CNTN5: variants seen among roughly 807,000 people sequenced by gnomAD.
CNTN5 encodes the protein contactin-5.
In CNTN5, 77 loss-of-function variants were observed where a neutral mutation model predicts 129.1. The ratio of observed to expected loss-of-function variants is 0.60; its 90% CI spans 0.50 to 0.72. The LOEUF (loss-of-function observed/expected upper bound fraction) is 0.72. CNTN5 is among the 30% of genes least tolerant of loss of function. The pLI is 0.00. For synonymous variants in CNTN5, 509 were observed against 465.6 expected (o/e 1.09, Z -1.20); for missense variants, 1,478 against 1,328.8 (o/e 1.11, Z -1.75).
chr11:99,609,948 CT>C (rs1340291455), intron 3 of CNTN5, among the ~76,000 whole-genome samples: 2 of 152,048 alleles, frequency 1.3e-5, no homozygotes, highest in Non-Finnish European at 2.9e-5. Flanking sequence ...GTGCCAGGCA[CT>C]ATGTATAGTG....
chr11:99,659,429 C>A (rs551814076), intron 3 of CNTN5, among the ~76,000 whole-genome samples: 1 of 151,890 alleles, frequency 6.6e-6, no homozygotes, highest in Non-Finnish European at 1.5e-5. Flanking sequence ...AACTGTAAAC[C>A]GTGTTTTAAT....
At chr11:100,276,375 C>T (rs1236620950) in intron 18 of CNTN5, among the ~76,000 whole-genome samples, 5 of 151,844 alleles carry the variant, frequency 3.3e-5, no homozygotes, top group Non-Finnish European at 7.4e-5. Context: ...ACCATCTCTG[C>T]TAAACATATA....
chr11:99,356,115 C>T (rs901288700), intron 2 of CNTN5, among the ~76,000 whole-genome samples: 19 of 152,118 alleles, frequency 1.2e-4, no homozygotes, highest in Admixed American at 4.6e-4. Context: ...TGTGAGCCAC[C>T]GCGCCCGGCC....
intron 3 of CNTN5, among the ~76,000 whole-genome samples, chr11:99,740,499 G>C (rs527432740): frequency 1.3e-5 from 2 of 152,324 alleles, no homozygotes; most frequent in East Asian, 3.9e-4. Flanking sequence ...CGTTTTTGAA[G>C]TGAAAGAGAA....
rs1651566317 is a variant in CNTN5, at chr11:99,302,951, T to C, written c.-209-22395T>C. ...TTAATATAGCTTATACATATATTAGTTATACTTGAAGAAACAGGTATACAA... is the reference window on the plus strand; with the variant it reads ...TTAATATAGCTTATACATATATTAGCTATACTTGAAGAAACAGGTATACAA... On this transcript the variant is annotated intron_variant, in intron 1 of 24. Coordinates refer to ENST00000524871, the MANE Select transcript of CNTN5 (RefSeq NM_014361.4). Among the ~76,000 whole-genome samples, 3 of 151,572 alleles carry C rather than the reference T, an allele frequency of 2.0e-5. No individual in the cohort carries two copies. The South Asian group carries it at 6.2e-4, about 31-fold the overall frequency.
chr11:99,176,332 G>C (rs900784083), intron 1 of CNTN5, among the ~76,000 whole-genome samples: 2 of 151,800 alleles, frequency 1.3e-5, no homozygotes, highest in African/African-American at 4.8e-5. Context: ...TCACTTCCTT[G>C]ACATAGAATA....
At chr11:99,721,491 A>G (rs1009093454) in intron 3 of CNTN5, among the ~76,000 whole-genome samples, 1 of 152,158 alleles carries the variant, frequency 6.6e-6, no homozygotes, top group Non-Finnish European at 1.5e-5. Context: ...CTCTAGTTGG[A>G]TTAAAGACTT....
At chr11:99,671,903 C>G (rs1308451592) in intron 3 of CNTN5, among the ~76,000 whole-genome samples, 1 of 152,112 alleles carries the variant, frequency 6.6e-6, no homozygotes, top group Non-Finnish European at 1.5e-5. Context: ...ATAATTCACA[C>G]ACTCACATAA....
intron 3 of CNTN5, among the ~76,000 whole-genome samples, chr11:99,592,774 G>A (rs1207428482): frequency 2.0e-5 from 3 of 152,074 alleles, no homozygotes; most frequent in African/African-American, 7.2e-5. Context: ...TATTTCAAAA[G>A]CAGAAGGATT....
intron 15 of CNTN5, among the ~76,000 whole-genome samples, chr11:100,205,405 T>A (rs1948892747): frequency 3.3e-5 from 5 of 152,048 alleles, no homozygotes; most frequent in Admixed American, 3.3e-4. Flanking sequence ...TCAAATATGT[T>A]TTCTCTCTCA....
At chr11:100,210,174 C>CAAAAAAAAAAA (rs59613776) in intron 15 of CNTN5, among the ~76,000 whole-genome samples, 1 of 81,104 alleles carries the variant, frequency 1.2e-5, no homozygotes, top group Non-Finnish European at 2.8e-5. Flanking sequence ...TGCCTCTATA[C>CAAAAAAAAAAA]AAAAAAAAAA....
chr11:99,521,482 T>C (rs1263052018), intron 2 of CNTN5, among the ~76,000 whole-genome samples: 1 of 152,224 alleles, frequency 6.6e-6, no homozygotes, highest in Non-Finnish European at 1.5e-5. Context: ...GTATTTATCA[T>C]TTTCAAAGAA....
chr11:99,651,540 T>C (rs1952157027), intron 3 of CNTN5, among the ~76,000 whole-genome samples: 1 of 152,028 alleles, frequency 6.6e-6, no homozygotes, highest in Non-Finnish European at 1.5e-5. Context: ...TAAAGTGTTT[T>C]AGCTATTAGA....
At chr11:99,630,032 T>C (rs867634290) in intron 3 of CNTN5, among the ~76,000 whole-genome samples, 14 of 151,686 alleles carry the variant, frequency 9.2e-5, no homozygotes, top group Admixed American at 3.9e-4. Context: ...GTGGGAGATA[T>C]AAAAACAAAA....
intron 1 of CNTN5, among the ~76,000 whole-genome samples, chr11:99,273,487 G>A (rs1863272944): frequency 6.6e-6 from 1 of 151,706 alleles, no homozygotes; most frequent in South Asian, 2.1e-4. Context: ...TCTTCCTGGT[G>A]TTTGTCTCTC....
At chr11:99,105,043 T>G (rs993687797) in intron 1 of CNTN5, among the ~76,000 whole-genome samples, 2 of 152,168 alleles carry the variant, frequency 1.3e-5, no homozygotes. Flanking sequence ...TCTGCTCTAT[T>G]CTCATTAGTC....
chr11:99,541,756 C>G (rs892915271), intron 2 of CNTN5, among the ~76,000 whole-genome samples: 3 of 151,956 alleles, frequency 2.0e-5, no homozygotes, highest in Admixed American at 2.0e-4. Context: ...TGAGGCTAGG[C>G]TGGGCGACAA....
At chr11:99,283,483 G>C (rs1021741566) in intron 1 of CNTN5, among the ~76,000 whole-genome samples, 1 of 151,864 alleles carries the variant, frequency 6.6e-6, no homozygotes. Flanking sequence ...AAAAAGATCT[G>C]AATAGTTTTA....
chr11:99,358,847 A>G (rs543758803), intron 2 of CNTN5, among the ~76,000 whole-genome samples: 1 of 152,172 alleles, frequency 6.6e-6, no homozygotes, highest in African/African-American at 2.4e-5. Flanking sequence ...AGGAAACTCA[A>G]ACCCCTCAGA....
Sources: allele counts gnomAD v4.1 joint callset (sites outside exome capture counted in the v4.1 genomes callset), GRCh38; gene constraint gnomAD v4.1.1; transcripts MANE v1.5; gene names NCBI Gene and HGNC (gene_info 2026-07-23, HGNC 2026-07-21).